MS4A7: variants seen among roughly 807,000 people sequenced by gnomAD.
MS4A7 encodes the protein membrane spanning 4-domains A7.
In MS4A7, 21 loss-of-function variants were observed where a neutral mutation model predicts 23.5. That is an observed-to-expected ratio of 0.89 (90% confidence interval 0.63 to 1.29). The LOEUF (loss-of-function observed/expected upper bound fraction) is 1.29, where lower values mean the gene tolerates loss of function less well. Among genes scored for constraint, MS4A7 ranks in the 50% most tolerant of loss-of-function variants. MS4A7 has a pLI of 0.00. For missense variants in MS4A7, 263 were observed against 274.2 expected (o/e 0.96, Z 0.29); for synonymous variants, 111 against 107.4 (o/e 1.03, Z -0.21).
intron 2 of MS4A7, 113 bp downstream of exon 2, chr11:60,383,401 A>G: frequency 1.6e-6 from 2 of 1,219,634 alleles, no homozygotes; most frequent in Non-Finnish European, 2.3e-6. Flanking sequence ...GGCTGACTCC[A>G]GGCTAATGAG....
rs995383945 is a variant in MS4A7, at chr11:60,385,353, T to C, written c.282+131T>C. 5.4e-6 allele frequency: 5 copies of C among 929,666 alleles called. No individual in the cohort carries two copies. In the East Asian group the frequency reaches 1.2e-4, roughly 23 times the overall value. The allele number at this position is 929,666 out of a possible 1,614,324, so 57.6% of individuals were successfully genotyped here. On this transcript the variant is annotated intron_variant, in intron 3 of 6. Coordinates refer to ENST00000300184, the MANE Select transcript of MS4A7 (RefSeq NM_021201.5). The stretch of plus-strand genomic sequence containing the variant: ...CAAGGCCTCGACTTTCCTTCTATCA[T>C]TGCCCCACGTCACATTTCCCCTATT...
intron 5 of MS4A7, among the ~76,000 whole-genome samples, chr11:60,391,566 A>C (rs1489280590): frequency 6.6e-6 from 1 of 152,248 alleles, no homozygotes; most frequent in Non-Finnish European, 1.5e-5. Context: ...AGATAACATA[A>C]TAATTTGAAC....
At chr11:60,385,983 C>G (rs956557414) in intron 3 of MS4A7, among the ~76,000 whole-genome samples, 1 of 152,170 alleles carries the variant, frequency 6.6e-6, no homozygotes, top group African/African-American at 2.4e-5. Context: ...CCTGGTCCTG[C>G]CCCAGAGCAC....
At chr11:60,387,842 C>T (rs1440838806) in intron 4 of MS4A7, among the ~76,000 whole-genome samples, 3 of 152,170 alleles carry the variant, frequency 2.0e-5, no homozygotes, top group Non-Finnish European at 4.4e-5. Flanking sequence ...GTTGGAATAC[C>T]TACCTACAGG....
chr11:60,386,826 A>C, intron 4 of MS4A7, 53 bp downstream of exon 4: 10 of 1,381,254 alleles, frequency 7.2e-6, no homozygotes, highest in Non-Finnish European at 1.0e-5. Context: ...GGAACGTCAG[A>C]GTTAATTCTT....
chr11:60,389,707 C>T (rs768953970), intron 5 of MS4A7, 111 bp downstream of exon 5: 3 of 990,480 alleles, frequency 3.0e-6, no homozygotes, highest in Non-Finnish European at 4.7e-6. Flanking sequence ...TGCCTGGAGA[C>T]AGACAGAAAT....
chr11:60,389,219 A>C, intron 4 of MS4A7, 171 bp from the exon 5 acceptor site: 1 of 596,790 alleles, frequency 1.7e-6, no homozygotes, highest in Non-Finnish European at 3.0e-6. Flanking sequence ...CACATGATTA[A>C]CTAAATAGCG....
intron 1 of MS4A7, among the ~76,000 whole-genome samples, chr11:60,381,896 C>T (rs1007275513): frequency 6.6e-6 from 1 of 152,150 alleles, no homozygotes; most frequent in East Asian, 1.9e-4. Context: ...CATCCCAGTG[C>T]ACTTTTCCAT....
rs775123069 is a variant in MS4A7, at chr11:60,386,774, G to T, written c.339+1G>T. The T allele has an allele frequency of 1.2e-6, 2 of 1,608,764 alleles. No homozygotes were observed. The highest frequency in any genetic ancestry group is 1.7e-6 in the Non-Finnish European group (2 of 1,175,544). ...TGGAAAACAATCAACTAAGCCCTTTGTAAGTATAAGGACCATCAAATCTCA... is the reference window on the plus strand; with the variant it reads ...TGGAAAACAATCAACTAAGCCCTTTTTAAGTATAAGGACCATCAAATCTCA... On this transcript the variant is annotated splice_donor_variant, in intron 4 of 6. Coordinates refer to ENST00000300184, the MANE Select transcript of MS4A7 (RefSeq NM_021201.5). LOFTEE classifies it high-confidence loss of function.
chr11:60,380,997 G>A (rs2085423299), intron 1 of MS4A7, among the ~76,000 whole-genome samples: 1 of 152,148 alleles, frequency 6.6e-6, no homozygotes, highest in African/African-American at 2.4e-5. Flanking sequence ...ACCTCTCCAA[G>A]CCTCATTTTT....
chr11:60,383,356 T>C (rs1565165686), intron 2 of MS4A7, 68 bp downstream of exon 2: 2 of 1,557,168 alleles, frequency 1.3e-6, no homozygotes, highest in Non-Finnish European at 1.7e-6. Context: ...ACTACAGATC[T>C]ACAGTGGGTC....
chr11:60,381,836 T>TC (rs2085432095), intron 1 of MS4A7, among the ~76,000 whole-genome samples: 1 of 152,122 alleles, frequency 6.6e-6, no homozygotes, highest in African/African-American at 2.4e-5. Flanking sequence ...ACGACTGGAC[T>TC]CCAAGACATA....
intron 6 of MS4A7, among the ~76,000 whole-genome samples, chr11:60,393,505 A>C (rs1314771614): frequency 6.6e-6 from 1 of 152,180 alleles, no homozygotes; most frequent in Non-Finnish European, 1.5e-5. Flanking sequence ...TTGATGTTAT[A>C]ATTTTAAAAT....
intron 4 of MS4A7, among the ~76,000 whole-genome samples, chr11:60,387,171 T>C (rs576746490): frequency 1.3e-5 from 2 of 152,352 alleles, no homozygotes; most frequent in South Asian, 4.1e-4. Flanking sequence ...GGGGTTCTTT[T>C]TGATGCCAAA....
At position 60,390,099 on chromosome 11, in the gene MS4A7, C is replaced by A. The variant is rs79664837; in HGVS notation, c.546+503C>A. The A allele has an allele frequency of 5.1e-3, 857 of 168,420 alleles. 7 individuals are homozygous for A. Among genetic ancestry groups the A allele is most frequent in the African/African-American group, 0.02 (834 of 41,790 alleles). 10.4% of individuals were successfully genotyped at this position (168,420 alleles called of 1,614,324 possible). On this transcript the variant is annotated intron_variant, in intron 5 of 6. Coordinates refer to ENST00000300184, the MANE Select transcript of MS4A7 (RefSeq NM_021201.5). Reference sequence around the variant, plus strand: ...CGGTGTTTAAGTTAATCTTCAAATGCAAGCCTGTATGCTACATTATGTTAG... The same window carrying A: ...CGGTGTTTAAGTTAATCTTCAAATGAAAGCCTGTATGCTACATTATGTTAG...
chr11:60,386,811 T>C (rs371816401), intron 4 of MS4A7, 38 bp downstream of exon 4: 4 of 1,485,376 alleles, frequency 2.7e-6, no homozygotes, highest in African/African-American at 1.4e-5. Flanking sequence ...CTGGTTGGAA[T>C]TGAAGGAACG....
At chr11:60,380,312 G>A (rs2085415806) in intron 1 of MS4A7, among the ~76,000 whole-genome samples, 1 of 152,246 alleles carries the variant, frequency 6.6e-6, no homozygotes. Context: ...GAGAGATAAA[G>A]TGACAGATGG....
At position 60,389,428 on chromosome 11, in the gene MS4A7, T is replaced by A. The variant is rs759960956; in HGVS notation, c.378T>A (p.Val126=). 6.2e-7 allele frequency: 1 copy of A among 1,613,834 alleles called. No homozygotes were observed. Among genetic ancestry groups the A allele is most frequent in the South Asian group, 1.1e-5 (1 of 91,034 alleles). The change falls in exon 5 of 7, where the codon GTT becomes GTA. Residue 126 remains valine (V), a synonymous_variant. Transcript: ENST00000300184. ...TGACCTCAAATGCAGTGAGTTCTGT[T>A]ACTGCAGGAGCAGGCCTCTTCCTCC... The part of the protein sequence containing the change: ...SSLTSNAVSS[V]TAGAGLFLLA...
intron 2 of MS4A7, among the ~76,000 whole-genome samples, chr11:60,384,871 TC>T (rs1236336140): frequency 6.6e-6 from 1 of 152,244 alleles, no homozygotes; most frequent in Non-Finnish European, 1.5e-5. Flanking sequence ...ATGATCACTT[TC>T]CGATTTGCTG....
Sources: gnomAD v4.1 joint callset for allele counts (sites outside exome capture counted in the v4.1 genomes callset) on GRCh38, gnomAD v4.1.1 for gene constraint, MANE v1.5 for transcripts, NCBI Gene and HGNC (gene_info 2026-07-23, HGNC 2026-07-21) for gene names.